The following PDGFC variants were observed in gnomAD, a reference collection of about 807,000 sequenced individuals.
PDGFC encodes the protein platelet-derived growth factor C.
Under a neutral mutation model 35.5 loss-of-function variants are expected in PDGFC, and 12 were observed. That is an observed-to-expected ratio of 0.34 (90% CI 0.22 to 0.55). The LOEUF is 0.55. Ranked by LOEUF, PDGFC falls within the 20% of genes least tolerant of loss-of-function variation. The probability of loss-of-function intolerance (pLI) is 0.91; values close to 1 mark genes in which losing one functional copy is unlikely to be tolerated. For missense variants in PDGFC, 322 were observed against 412.4 expected, an observed-to-expected ratio of 0.78 and a Z score of 1.90; for synonymous variants, 159 against 148.8, an observed-to-expected ratio of 1.07 and a Z score of -0.50.
intron 1 of PDGFC, among the ~76,000 whole-genome samples, chr4:156,921,484 G>A (rs184470661): frequency 2.6e-5 from 4 of 152,046 alleles, no homozygotes; most frequent in African/African-American, 9.6e-5. Flanking sequence ...CTAAAAGGAG[G>A]AGGAGAAGGA....
chr4:156,941,936 G>A (rs111369982), intron 1 of PDGFC, among the ~76,000 whole-genome samples: 11 of 152,096 alleles, frequency 7.2e-5, no homozygotes, highest in African/African-American at 1.4e-4. Context: ...GAACTTTGAC[G>A]TTTTACATGA....
At chr4:156,962,035 T>C (rs1281981750) in intron 1 of PDGFC, among the ~76,000 whole-genome samples, 1 of 152,084 alleles carries the variant, frequency 6.6e-6, no homozygotes, top group African/African-American at 2.4e-5. Flanking sequence ...AATCTGTCAC[T>C]GCCTGCCTGC....
intron 1 of PDGFC, among the ~76,000 whole-genome samples, chr4:156,943,314 G>A (rs367987740): frequency 1.1e-4 from 16 of 151,960 alleles, no homozygotes; most frequent in African/African-American, 3.9e-4. Flanking sequence ...GATATTATTC[G>A]CTCTAAATTC....
chr4:156,806,434 A>G (rs979890483), intron 3 of PDGFC, among the ~76,000 whole-genome samples: 3 of 152,090 alleles, frequency 2.0e-5, no homozygotes, highest in Non-Finnish European at 2.9e-5. Flanking sequence ...AAGAGACTGA[A>G]AAATATAATA....
intron 2 of PDGFC, chr4:156,842,248 C>T (rs990702969): frequency 8.5e-5 from 13 of 152,102 alleles, no homozygotes; most frequent in South Asian, 2.1e-4. Context: ...AGCACTGGGA[C>T]GATTTAAAGG....
At chr4:156,970,107 G>T (rs1732556080) in intron 1 of PDGFC, among the ~76,000 whole-genome samples, 1 of 152,160 alleles carries the variant, frequency 6.6e-6, no homozygotes, top group Admixed American at 6.5e-5. Flanking sequence ...CTTGAAAGCT[G>T]AAAGTAATTC....
Position 156,772,888 on chromosome 4 carries a change from G to A in PDGFC, c.501C>T (p.Phe167=). Residue 167 remains phenylalanine (F), a synonymous_variant, in exon 4 of 6, where the codon TTC becomes TTT. Transcript: ENST00000502773. The part of the protein sequence containing the change: ...CIHYNIVMPQ[F]TEAVSPSVLP... ...GCACTGAAGGACTCACAGCTTCTGT[G>A]AATTGCTGAAAGTAAAATGAATCCT... is the stretch of plus-strand genomic sequence containing the variant. 6.2e-7 allele frequency: 1 copy of A among 1,607,150 alleles called. No individual in the cohort carries two copies. The highest frequency in any genetic ancestry group is 8.5e-7 in the Non-Finnish European group (1 of 1,174,316).
chr4:156,894,565 T>C (rs910925745), intron 1 of PDGFC, among the ~76,000 whole-genome samples: 8 of 152,182 alleles, frequency 5.3e-5, no homozygotes, highest in South Asian at 4.1e-4. Flanking sequence ...GCAAAATATA[T>C]AGCAATATTT....
At chr4:156,842,587 C>G (rs1032792450) in intron 2 of PDGFC, among the ~76,000 whole-genome samples, 2 of 152,040 alleles carry the variant, frequency 1.3e-5, no homozygotes, top group African/African-American at 4.8e-5. Context: ...GCAACAAAAC[C>G]ATTTCTTCTG....
intron 2 of PDGFC, among the ~76,000 whole-genome samples, chr4:156,827,940 G>C (rs974624659): frequency 3.3e-5 from 5 of 152,182 alleles, no homozygotes; most frequent in Admixed American, 2.6e-4. Flanking sequence ...AGTGTTAAGA[G>C]GCAAAGCAAA....
At chr4:156,867,292 G>A (rs947849745) in intron 1 of PDGFC, among the ~76,000 whole-genome samples, 2 of 152,170 alleles carry the variant, frequency 1.3e-5, no homozygotes, top group African/African-American at 4.8e-5. Context: ...CCTGCAGCCA[G>A]CCTGCTGCAT....
intron 2 of PDGFC, among the ~76,000 whole-genome samples, chr4:156,829,413 A>T (rs1033326408): frequency 2.0e-5 from 3 of 152,214 alleles, no homozygotes; most frequent in Non-Finnish European, 4.4e-5. Context: ...AAAGGGAAAT[A>T]AGAAATTCTA....
chr4:156,938,476 T>G (rs887381368), intron 1 of PDGFC, among the ~76,000 whole-genome samples: 28 of 152,228 alleles, frequency 1.8e-4, no homozygotes, highest in Admixed American at 1.8e-3. Context: ...ATACATTTTT[T>G]GAGGGAAGGA....
chr4:156,887,789 C>T (rs767102263), intron 1 of PDGFC, among the ~76,000 whole-genome samples: 5 of 151,526 alleles, frequency 3.3e-5, no homozygotes, highest in Admixed American at 1.3e-4. Flanking sequence ...TGAGGTGGGC[C>T]GAACACTTGA....
At chr4:156,856,360 T>C (rs897184072) in intron 1 of PDGFC, among the ~76,000 whole-genome samples, 1 of 152,106 alleles carries the variant, frequency 6.6e-6, no homozygotes, top group African/African-American at 2.4e-5. Context: ...TGAGAACCTA[T>C]TATGTTTCAA....
rs1349110214 is a variant in PDGFC, at chr4:156,761,825, G to A, written c.*1265C>T. The A allele has an allele frequency of 6.6e-6, 1 of 152,600 alleles. No homozygotes were observed. Among genetic ancestry groups the A allele is most frequent in the Non-Finnish European group, 1.5e-5 (1 of 68,026 alleles). The allele number at this position is 152,600 out of a possible 1,614,324, so 9.5% of individuals were successfully genotyped here. ...ATCCATGTATTTATACAAGTGTATG[G>A]AACAGAGTTTAAGATAATAAAACCA... On this transcript the variant is annotated 3_prime_UTR_variant, in exon 6 of 6. Transcript: ENST00000502773.
At chr4:156,782,742 T>C (rs1179802676) in intron 3 of PDGFC, among the ~76,000 whole-genome samples, 17 of 152,172 alleles carry the variant, frequency 1.1e-4, no homozygotes, top group Admixed American at 1.1e-3. Context: ...TAGAATATTT[T>C]TGTGAAAAGT....
intron 1 of PDGFC, among the ~76,000 whole-genome samples, chr4:156,935,022 A>G (rs994338677): frequency 3.3e-5 from 5 of 152,088 alleles, no homozygotes; most frequent in Non-Finnish European, 7.3e-5. Context: ...TTTCAGATGG[A>G]GTCTCGCTCT....
chr4:156,915,918 A>C (rs1362971608), intron 1 of PDGFC, among the ~76,000 whole-genome samples: 1 of 152,078 alleles, frequency 6.6e-6, no homozygotes, highest in Non-Finnish European at 1.5e-5. Context: ...CCAAAAGAAA[A>C]TTCTGTGGGT....
Sources: allele counts gnomAD v4.1 joint callset (sites outside exome capture counted in the v4.1 genomes callset), GRCh38; gene constraint gnomAD v4.1.1; transcripts MANE v1.5; gene names NCBI Gene and HGNC (gene_info 2026-07-23, HGNC 2026-07-21).